PSMA1: variants seen among roughly 807,000 people sequenced by gnomAD.
The protein encoded by PSMA1 is proteasome 20S subunit alpha 1.
Under a neutral mutation model 38.4 loss-of-function variants are expected in PSMA1, and 3 were observed. That is an observed-to-expected ratio of 0.08 (90% CI 0.04 to 0.20). The LOEUF (loss-of-function observed/expected upper bound fraction) is 0.20. Ranked by LOEUF, PSMA1 falls within the 10% of genes least tolerant of loss-of-function variation. The probability of loss-of-function intolerance (pLI) is 1.00; values close to 1 mark genes in which losing one functional copy is unlikely to be tolerated. For missense variants in PSMA1, 227 were observed against 325.3 expected (o/e 0.70, Z 2.32); for synonymous variants, 101 against 107.1 (o/e 0.94, Z 0.35).
chr11:14,627,490 T>C (rs1160060482), intron 1 of PSMA1, among the ~76,000 whole-genome samples: 2 of 152,226 alleles, frequency 1.3e-5, no homozygotes, highest in African/African-American at 4.8e-5. Context: ...TAACAATTAC[T>C]GTTATAACGG....
intron 2 of PSMA1, among the ~76,000 whole-genome samples, chr11:14,575,541 A>C (rs1489828640): frequency 1.3e-5 from 2 of 152,144 alleles, no homozygotes; most frequent in Non-Finnish European, 2.9e-5. Context: ...TAATTTGCTC[A>C]GAATGATGGT....
At chr11:14,633,742 T>G (rs1296225322) in intron 1 of PSMA1, among the ~76,000 whole-genome samples, 1 of 152,170 alleles carries the variant, frequency 6.6e-6, no homozygotes, top group Non-Finnish European at 1.5e-5. Context: ...CCAGCCTAAC[T>G]GCCGCCTTGC....
At chr11:14,604,162 T>C (rs954897007) in intron 2 of PSMA1, among the ~76,000 whole-genome samples, 1 of 152,162 alleles carries the variant, frequency 6.6e-6, no homozygotes, top group Non-Finnish European at 1.5e-5. Flanking sequence ...TGGGTTCAAG[T>C]GATTATCCTG....
intron 1 of PSMA1, among the ~76,000 whole-genome samples, chr11:14,615,385 T>C (rs1229064139): frequency 2.0e-5 from 3 of 152,226 alleles, no homozygotes; most frequent in African/African-American, 7.2e-5. Context: ...CCTCTGACTT[T>C]CTGGTAGATT....
At chr11:14,565,403 G>C (rs1852058535) in intron 2 of PSMA1, among the ~76,000 whole-genome samples, 1 of 151,944 alleles carries the variant, frequency 6.6e-6, no homozygotes, top group Non-Finnish European at 1.5e-5. Context: ...TCTGCCCTTT[G>C]TTATATTTCC....
At chr11:14,617,206 G>C (rs923127918) in intron 1 of PSMA1, among the ~76,000 whole-genome samples, 1 of 152,188 alleles carries the variant, frequency 6.6e-6, no homozygotes, top group Admixed American at 6.5e-5. Context: ...GAGTTGAGGG[G>C]TGGACAAAGT....
chr11:14,604,205 A>G (rs910817978), intron 2 of PSMA1, among the ~76,000 whole-genome samples: 4 of 152,092 alleles, frequency 2.6e-5, no homozygotes, highest in Non-Finnish European at 4.4e-5. Flanking sequence ...GATTACAGGC[A>G]TATGCCACCA....
intron 2 of PSMA1, among the ~76,000 whole-genome samples, chr11:14,588,419 G>C (rs917506247): frequency 5.9e-5 from 9 of 152,206 alleles, no homozygotes; most frequent in Non-Finnish European, 1.5e-5. Context: ...GCTGGGTATG[G>C]ACTTGATCCT....
At chr11:14,633,432 C>T (rs1253055602) in intron 1 of PSMA1, among the ~76,000 whole-genome samples, 3 of 152,010 alleles carry the variant, frequency 2.0e-5, no homozygotes, top group Non-Finnish European at 4.4e-5. Flanking sequence ...TGGGGGGTGC[C>T]TCCCAGTTAG....
At chr11:14,598,485 C>T (rs1364145289) in intron 2 of PSMA1, among the ~76,000 whole-genome samples, 1 of 151,944 alleles carries the variant, frequency 6.6e-6, no homozygotes, top group Non-Finnish European at 1.5e-5. Context: ...GAATTAATCC[C>T]TTTACCATTA....
chr11:14,611,455 T>C (rs992717785), intron 1 of PSMA1, among the ~76,000 whole-genome samples: 3 of 152,208 alleles, frequency 2.0e-5, no homozygotes, highest in Non-Finnish European at 2.9e-5. Context: ...AAATTAGCTA[T>C]GTTCTGTGCA....
intron 2 of PSMA1, among the ~76,000 whole-genome samples, chr11:14,548,010 T>C (rs1851845251): frequency 1.3e-5 from 2 of 150,974 alleles, no homozygotes. Context: ...GAGAGATCAC[T>C]ATATACAACA....
At chr11:14,592,882 A>G (rs1397780550) in intron 2 of PSMA1, among the ~76,000 whole-genome samples, 1 of 152,224 alleles carries the variant, frequency 6.6e-6, no homozygotes, top group Non-Finnish European at 1.5e-5. Flanking sequence ...CCTCCTATCT[A>G]AAACAGCCCT....
chr11:14,562,186 A>C (rs569049363), intron 2 of PSMA1, among the ~76,000 whole-genome samples: 81 of 152,358 alleles, frequency 5.3e-4, no homozygotes, highest in African/African-American at 1.9e-3. Context: ...TAGTGCTTAG[A>C]TCTCAGGGAG....
chr11:14,632,798 G>A (rs1284357195), intron 1 of PSMA1, among the ~76,000 whole-genome samples: 1 of 151,570 alleles, frequency 6.6e-6, no homozygotes, highest in Non-Finnish European at 1.5e-5. Flanking sequence ...TCACTTTCAG[G>A]TACACCAATC....
rs757708119 is a variant in PSMA1, at chr11:14,553,342, T to C, written c.22-34301A>G. 4.2e-4 allele frequency among the ~76,000 whole-genome samples: 64 copies of C among 152,152 alleles called. 1 individual carries two copies. Among genetic ancestry groups the C allele is most frequent in the Admixed American group, 7.2e-4 (11 of 15,272 alleles). On this transcript the variant is annotated intron_variant, in intron 2 of 10. Transcript: ENST00000418988. Reference sequence around the variant, plus strand: ...TTCAAATTTCACCAGTTTTTACCTATACTCGTGTGTGTGTGTAGTTCTATG... The same window carrying C: ...TTCAAATTTCACCAGTTTTTACCTACACTCGTGTGTGTGTGTAGTTCTATG...
chr11:14,592,029 A>G (rs1219758666), intron 2 of PSMA1, among the ~76,000 whole-genome samples: 1 of 151,748 alleles, frequency 6.6e-6, no homozygotes, highest in Non-Finnish European at 1.5e-5. Context: ...ACCGGGAGGA[A>G]GGAACAACTC....
At chr11:14,521,710 G>A (rs1851532194), upstream of PSMA1, among the ~76,000 whole-genome samples, 1 of 145,544 alleles carries the variant, frequency 6.9e-6, no homozygotes, top group Admixed American at 7.2e-5. Context: ...AGGTTGCAGT[G>A]AGCTGAGATC....
intron 2 of PSMA1, among the ~76,000 whole-genome samples, chr11:14,543,601 A>G (rs1851795380): frequency 6.6e-6 from 1 of 151,980 alleles, no homozygotes; most frequent in Non-Finnish European, 1.5e-5. Context: ...ATATAATAAC[A>G]CCAAGGTCTG....
Sources: allele counts gnomAD v4.1 joint callset (sites outside exome capture counted in the v4.1 genomes callset), GRCh38; gene constraint gnomAD v4.1.1; transcripts MANE v1.5; gene names NCBI Gene and HGNC (gene_info 2026-07-23, HGNC 2026-07-21).